Variants in GPC5 observed in about 807,000 individuals in gnomAD.
GPC5 encodes glypican 5.
A neutral mutation model predicts 53.9 loss-of-function variants in GPC5; 47 were observed. That is an observed-to-expected ratio of 0.87 (90% CI 0.69 to 1.11). The LOEUF (loss-of-function observed/expected upper bound fraction) is 1.11. GPC5 is among the 50% of genes most tolerant of loss of function. The pLI is 0.00. For missense variants in GPC5, 748 were observed against 713.1 expected (o/e 1.05, Z -0.56); for synonymous variants, 286 against 263.3 (o/e 1.09, Z -0.84).
At chr13:92,031,737 T>C (rs1489970629) in intron 6 of GPC5, among the ~76,000 whole-genome samples, 1 of 58,168 alleles carries the variant, frequency 1.7e-5, no homozygotes, top group Non-Finnish European at 3.3e-5. Context: ...TATTACATAT[T>C]ATATATAATA....
intron 6 of GPC5, among the ~76,000 whole-genome samples, chr13:92,128,228 C>T (rs958872259): frequency 9.2e-5 from 14 of 152,160 alleles, no homozygotes; most frequent in African/African-American, 3.4e-4. Context: ...CTCTGCTAAC[C>T]TGAGCCCTAC....
chr13:91,859,673 A>G (rs966726299), intron 5 of GPC5, among the ~76,000 whole-genome samples: 7 of 151,808 alleles, frequency 4.6e-5, no homozygotes, highest in Non-Finnish European at 4.4e-5. Context: ...GTATGTAACA[A>G]CTTTCTTGAT....
At chr13:92,613,494 TATATAATTTATATATAAAATATAA>T (rs1310352032) in intron 7 of GPC5, among the ~76,000 whole-genome samples, 9 of 85,878 alleles carry the variant, frequency 1.0e-4, no homozygotes, top group Admixed American at 1.7e-4. Context: ...AAATATGTAA[TATATAATTTATATATAAAATATAA>T]TATATAATTT....
chr13:91,438,811 G>A (rs1216384625), intron 1 of GPC5, among the ~76,000 whole-genome samples: 1 of 152,250 alleles, frequency 6.6e-6, no homozygotes, highest in Non-Finnish European at 1.5e-5. Flanking sequence ...GCTCCACCCA[G>A]TTCGAGCTTC....
chr13:92,738,728 C>A (rs1367610448), intron 7 of GPC5, among the ~76,000 whole-genome samples: 1 of 152,024 alleles, frequency 6.6e-6, no homozygotes, highest in African/African-American at 2.4e-5. Flanking sequence ...TCACTTTATT[C>A]AACATTTTTC....
intron 7 of GPC5, among the ~76,000 whole-genome samples, chr13:92,183,812 C>T (rs2042164396): frequency 6.6e-6 from 1 of 151,910 alleles, no homozygotes; most frequent in Non-Finnish European, 1.5e-5. Flanking sequence ...GTTCATAGAT[C>T]TCTTACAACT....
At chr13:92,385,768 TATATATAC>T (rs1485815071) in intron 7 of GPC5, among the ~76,000 whole-genome samples, 20 of 82,676 alleles carry the variant, frequency 2.4e-4, no homozygotes, top group Admixed American at 5.8e-4. Flanking sequence ...TATATATACG[TATATATAC>T]ATATATGTAT....
At chr13:92,668,250 C>G (rs1482766608) in intron 7 of GPC5, among the ~76,000 whole-genome samples, 4 of 152,044 alleles carry the variant, frequency 2.6e-5, no homozygotes, top group Non-Finnish European at 5.9e-5. Flanking sequence ...TATATAAGGA[C>G]TCTGAGTTCA....
intron 7 of GPC5, among the ~76,000 whole-genome samples, chr13:92,593,954 A>G (rs1035797506): frequency 6.6e-6 from 1 of 152,196 alleles, no homozygotes; most frequent in African/African-American, 2.4e-5. Context: ...AATGTATGTA[A>G]TGGAATTTTT....
intron 7 of GPC5, among the ~76,000 whole-genome samples, chr13:92,748,309 ATTT>A (rs1340655374): frequency 8.5e-6 from 1 of 117,932 alleles, no homozygotes. Context: ...TCTGCATTTT[ATTT>A]TATTATTATT....
intron 6 of GPC5, among the ~76,000 whole-genome samples, chr13:92,060,823 G>A (rs2041116894): frequency 6.6e-6 from 1 of 151,986 alleles, no homozygotes; most frequent in African/African-American, 2.4e-5. Context: ...AACAGAAAGA[G>A]ATATCATTAC....
chr13:92,795,376 A>C (rs1876635662), intron 7 of GPC5, among the ~76,000 whole-genome samples: 1 of 152,170 alleles, frequency 6.6e-6, no homozygotes, highest in Admixed American at 6.6e-5. Context: ...CTTATACAAA[A>C]ATTAATTCAA....
At chr13:91,882,710 C>A (rs1293472602) in intron 5 of GPC5, among the ~76,000 whole-genome samples, 2 of 45,426 alleles carry the variant, frequency 4.4e-5, no homozygotes, top group African/African-American at 1.7e-4. Flanking sequence ...GTCTTAGAGT[C>A]TTTCTTTTAA....
intron 7 of GPC5, among the ~76,000 whole-genome samples, chr13:92,269,376 A>AT (rs557782167): frequency 6.6e-6 from 1 of 151,710 alleles, no homozygotes; most frequent in Admixed American, 6.6e-5. Flanking sequence ...TAGTAGCTTT[A>AT]TTTTTTTAGA....
intron 2 of GPC5, among the ~76,000 whole-genome samples, chr13:91,678,620 C>G (rs2035437206): frequency 6.6e-6 from 1 of 152,000 alleles, no homozygotes; most frequent in South Asian, 2.1e-4. Context: ...AATGACAATT[C>G]TTAGAGCAAT....
intron 6 of GPC5, among the ~76,000 whole-genome samples, chr13:92,144,057 T>C (rs190760752): frequency 6.6e-6 from 1 of 152,232 alleles, no homozygotes; most frequent in Admixed American, 6.5e-5. Flanking sequence ...TCAGGCTTAG[T>C]TTTAAGTGAA....
intron 5 of GPC5, among the ~76,000 whole-genome samples, chr13:91,856,904 A>C (rs1281383405): frequency 1.3e-5 from 2 of 151,212 alleles, no homozygotes; most frequent in African/African-American, 4.8e-5. Context: ...CTATACACCT[A>C]AATTTATTGT....
At chr13:91,450,222 A>G (rs1285603705) in intron 2 of GPC5, among the ~76,000 whole-genome samples, 1 of 152,188 alleles carries the variant, frequency 6.6e-6, no homozygotes, top group African/African-American at 2.4e-5. Flanking sequence ...TTTCTATTGT[A>G]GGATTTATTC....
chr13:91,438,866 G>A (rs7322144), intron 1 of GPC5, among the ~76,000 whole-genome samples: 11,413 of 152,144 alleles, frequency 0.075, 1,386 homozygotes, highest in African/African-American at 0.26. Context: ...AATGGCGGGC[G>A]CCCCTCCCCC....
Sources: gnomAD v4.1 joint callset for allele counts (sites outside exome capture counted in the v4.1 genomes callset) on GRCh38, gnomAD v4.1.1 for gene constraint, MANE v1.5 for transcripts, NCBI Gene and HGNC (gene_info 2026-07-23, HGNC 2026-07-21) for gene names.